DMD: variants seen among roughly 807,000 people sequenced by gnomAD.
The protein encoded by DMD is dystrophin.
Under a neutral mutation model 330.1 loss-of-function variants are expected in DMD, and 63 were observed. The ratio of observed to expected loss-of-function variants is 0.19; its 90% CI spans 0.16 to 0.24. The LOEUF is 0.24. Ranked by LOEUF, DMD falls within the 10% of genes least tolerant of loss-of-function variation. DMD has a pLI of 1.00. For missense variants in DMD, 3,344 were observed against 2,684.1 expected (o/e 1.25, Z -5.43); for synonymous variants, 1,223 against 959.8 (o/e 1.27, Z -5.07).
chrX:31,609,336 C>T (rs1432576102), intron 55 of DMD, among the ~76,000 whole-genome samples: 2 of 111,710 alleles, frequency 1.8e-5, no homozygotes, highest in Non-Finnish European at 3.8e-5. Flanking sequence ...AATTATAAGA[C>T]AACACTGCCC....
At chrX:31,745,916 G>T (rs764427461) in intron 51 of DMD, among the ~76,000 whole-genome samples, 1 of 111,751 alleles carries the variant, frequency 8.9e-6, no homozygotes, top group South Asian at 3.7e-4. Flanking sequence ...CATATGTTAT[G>T]ATGTCACATT....
At chrX:31,419,959 G>C (rs1354497134) in intron 60 of DMD, among the ~76,000 whole-genome samples, 1 of 111,786 alleles carries the variant, frequency 8.9e-6, no homozygotes, top group African/African-American at 3.3e-5. Flanking sequence ...GCTTGAACAT[G>C]TTTCTTGTTG....
At chrX:32,593,791 T>C (rs7055014) in intron 13 of DMD, among the ~76,000 whole-genome samples, 38 of 112,357 alleles carry the variant, frequency 3.4e-4, no homozygotes, top group African/African-American at 1.2e-3. Context: ...AGTTATAAAA[T>C]TTAGTTTATA....
intron 12 of DMD, among the ~76,000 whole-genome samples, chrX:32,600,606 A>G (rs1328496149): frequency 1.9e-5 from 2 of 105,890 alleles, no homozygotes; most frequent in South Asian, 4.1e-4. Flanking sequence ...ACGCACACAC[A>G]CACACACACA....
rs368682348 is a variant in DMD at position 32,733,346 on chromosome X, C to T, written c.650-34053G>A. ...TTAACACCCCACTGTCAACATTAGACAGATCAACGAGACAGAAAGCCAACA... is the reference window on the plus strand; with the variant it reads ...TTAACACCCCACTGTCAACATTAGATAGATCAACGAGACAGAAAGCCAACA... On this transcript the variant is annotated intron_variant, in intron 7 of 78. Transcript: ENST00000357033. Among the ~76,000 whole-genome samples, 22 of 109,739 alleles carry T rather than the reference C, an allele frequency of 2.0e-4. 2 individuals are homozygous for T. The highest frequency in any genetic ancestry group is 1.7e-3 in the Admixed American group (18 of 10,352).
At chrX:32,190,550 T>TTATATATATATATATATATATATATATA (rs753482446) in intron 44 of DMD, among the ~76,000 whole-genome samples, 3 of 62,534 alleles carry the variant, frequency 4.8e-5, no homozygotes, top group Admixed American at 1.9e-4. Context: ...ATTTAAAATT[T>TTATATATATATATATATATATATATATA]TATATATATA....
intron 50 of DMD, among the ~76,000 whole-genome samples, chrX:31,794,415 T>C (rs892390826): frequency 8.9e-6 from 1 of 111,795 alleles, no homozygotes; most frequent in African/African-American, 3.3e-5. Flanking sequence ...ATATCAACAT[T>C]AAGCAGCAGC....
intron 2 of DMD, among the ~76,000 whole-genome samples, chrX:32,856,110 T>C (rs1220873778): frequency 8.9e-6 from 1 of 111,976 alleles, no homozygotes; most frequent in Non-Finnish European, 1.9e-5. Flanking sequence ...TACAATGAGG[T>C]ATCATCTCAC....
At chrX:32,100,391 G>GTATA (rs57119778) in intron 44 of DMD, among the ~76,000 whole-genome samples, 1,112 of 98,105 alleles carry the variant, frequency 0.011, 24 homozygotes, top group African/African-American at 0.043. Flanking sequence ...ATATATATAT[G>GTATA]TATATATATA....
chrX:31,639,378 C>T (rs1208504803), intron 54 of DMD, among the ~76,000 whole-genome samples: 1 of 111,801 alleles, frequency 8.9e-6, no homozygotes, highest in Non-Finnish European at 1.9e-5. Context: ...TTTATAAACA[C>T]CTAAACCTGG....
intron 2 of DMD, among the ~76,000 whole-genome samples, chrX:32,861,710 T>C (rs1237264279): frequency 9.0e-6 from 1 of 111,605 alleles, no homozygotes; most frequent in African/African-American, 3.3e-5. Context: ...CCTCTCTCCC[T>C]CTCTTACCAA....
intron 27 of DMD, among the ~76,000 whole-genome samples, chrX:32,444,006 G>A (rs149817350): frequency 0.012 from 1,350 of 110,547 alleles, 19 homozygotes; most frequent in African/African-American, 0.041. Flanking sequence ...AAGAAAAAGA[G>A]GGAAATGAAA....
At chrX:33,040,069 G>A (rs2094273489) in intron 1 of DMD, among the ~76,000 whole-genome samples, 1 of 111,281 alleles carries the variant, frequency 9.0e-6, no homozygotes, top group South Asian at 3.8e-4. Flanking sequence ...AAAGTCAGGT[G>A]TGGGCTGGTA....
intron 1 of DMD, among the ~76,000 whole-genome samples, chrX:33,239,057 G>C (rs1197356284): frequency 9.2e-6 from 1 of 108,978 alleles, no homozygotes; most frequent in African/African-American, 3.4e-5. Flanking sequence ...AGGAGTTCGA[G>C]ACCAGCCTGG....
chrX:32,436,256 T>C (rs9942995), intron 29 of DMD, among the ~76,000 whole-genome samples: 21,769 of 111,123 alleles, frequency 0.2, 1,992 homozygotes, highest in African/African-American at 0.35. Context: ...CTCTTTTATT[T>C]CCTATTAAAA....
chrX:31,366,507 A>AAAAAAAAAAAT (rs1556574494), intron 60 of DMD, among the ~76,000 whole-genome samples: 1 of 85,919 alleles, frequency 1.2e-5, no homozygotes, highest in Admixed American at 1.3e-4. Flanking sequence ...CATAAAAAAA[A>AAAAAAAAAAAT]AAATAAATAA....
At chrX:31,218,576 A>G (rs768605658) in intron 64 of DMD, among the ~76,000 whole-genome samples, 40 of 111,930 alleles carry the variant, frequency 3.6e-4, no homozygotes, top group Non-Finnish European at 7.0e-4. Context: ...GCTATAAGGA[A>G]ATGGAAGCCT....
At chrX:33,309,210 T>G (rs768035024) in intron 1 of DMD, among the ~76,000 whole-genome samples, 2 of 111,918 alleles carry the variant, frequency 1.8e-5, no homozygotes, top group Non-Finnish European at 3.8e-5. Flanking sequence ...GTTAAATAAT[T>G]AACAGGATTA....
At chrX:33,277,801 A>G (rs1338124061) in intron 1 of DMD, among the ~76,000 whole-genome samples, 2 of 111,472 alleles carry the variant, frequency 1.8e-5, no homozygotes, top group Non-Finnish European at 3.8e-5. Context: ...TAATAATGTT[A>G]CTTCAGAAAT....
Sources: allele counts gnomAD v4.1 joint callset (sites outside exome capture counted in the v4.1 genomes callset), GRCh38; gene constraint gnomAD v4.1.1; transcripts MANE v1.5; gene names NCBI Gene and HGNC (gene_info 2026-07-23, HGNC 2026-07-21).